TRMT44: variants seen among roughly 807,000 people sequenced by gnomAD.
TRMT44 encodes tRNA methyltransferase 44 homolog.
In TRMT44, 78 loss-of-function variants were observed where a neutral mutation model predicts 77.3. The observed-to-expected ratio is 1.01, with a 90% CI of 0.84 to 1.22. TRMT44 has a LOEUF of 1.22. Ranked by LOEUF, TRMT44 falls within the 50% of genes most tolerant of loss-of-function variation. TRMT44 has a pLI of 0.00. For synonymous variants in TRMT44, 391 were observed against 383.3 expected, an observed-to-expected ratio of 1.02 and a Z score of -0.23; for missense variants, 1,090 against 964.4, an observed-to-expected ratio of 1.13 and a Z score of -1.73.
Position 8,467,839 on chromosome 4 carries a change from G to T in TRMT44, c.1495-75G>T. On this transcript the variant is annotated intron_variant, in intron 8 of 10. Transcript: ENST00000389737. ...TGAAAACTTGTGATTTGTACTCCAGGATGAGAGAATTCCATGGAGAACGTT... is the reference window on the plus strand; with the variant it reads ...TGAAAACTTGTGATTTGTACTCCAGTATGAGAGAATTCCATGGAGAACGTT... 2.1e-6 allele frequency: 3 copies of T among 1,445,956 alleles called. No individual in the cohort carries two copies. In the South Asian group the frequency reaches 4.1e-5, roughly 20 times the overall value. 89.6% of individuals were successfully genotyped at this position (1,445,956 alleles called of 1,614,324 possible).
At position 8,465,432 on chromosome 4, in the gene TRMT44, TG is replaced by T; in HGVS notation, c.1367del (p.Gly456GlufsTer77). On this transcript the variant is annotated frameshift_variant, in exon 8 of 11. Transcript: ENST00000389737. LOFTEE classifies it high-confidence loss of function. ...TCCCCTGCTGCTTCTTTGACTTCAT[TG>T]GAAGATACTCCCGGAGGCAGAGTAA... ...VLPCCFFDFI[G>X]RYSRRQSKKT... is the part of the protein sequence containing the mutation. The T allele has an allele frequency of 6.2e-7, 1 of 1,614,080 alleles. No homozygotes were observed. The highest frequency in any genetic ancestry group is 8.5e-7 in the Non-Finnish European group (1 of 1,180,002).
chr4:8,490,398 C>T (rs781588606), intron 2 of TRMT44, among the ~76,000 whole-genome samples: 2 of 151,942 alleles, frequency 1.3e-5, no homozygotes, highest in African/African-American at 2.4e-5. Flanking sequence ...CTGGTGGATT[C>T]GTGGTCTCGC....
At chr4:8,453,918 CA>C (rs1255666993) in intron 5 of TRMT44, among the ~76,000 whole-genome samples, 1 of 152,162 alleles carries the variant, frequency 6.6e-6, no homozygotes, top group Non-Finnish European at 1.5e-5. Context: ...ATGGTTGTTA[CA>C]ATGCCCTTTT....
the TRMT44 span, among the ~76,000 whole-genome samples, chr4:8,505,256 A>G: frequency 1.3e-5 from 2 of 152,200 alleles, no homozygotes; most frequent in Non-Finnish European, 2.9e-5. Flanking sequence ...TGCATCTTCC[A>G]TCTGCGAACA....
rs1485683748 is a variant in TRMT44, at chr4:8,464,194, A to T, written c.1310+103A>T. The T allele has an allele frequency of 6.2e-6, 5 of 803,210 alleles. No homozygotes were observed. The East Asian group carries it at 1.1e-4, about 17-fold the overall frequency. The allele number at this position is 803,210 out of a possible 1,614,324, so 49.8% of individuals were successfully genotyped here. ...CACTAGCTGCGTGCAGTTGTCAAGC[A>T]CTTGAAATGTGGGTAGTTCCAATTG... is the stretch of plus-strand genomic sequence containing the variant. On this transcript the variant is annotated intron_variant, in intron 7 of 10. Transcript: ENST00000389737.
chr4:8,470,764 C>A (rs539843724), intron 9 of TRMT44, among the ~76,000 whole-genome samples: 5 of 152,332 alleles, frequency 3.3e-5, no homozygotes, highest in Non-Finnish European at 5.9e-5. Flanking sequence ...AGCCACCCCC[C>A]TTCATGGGTC....
chr4:8,463,063 A>G (rs1726270424), intron 6 of TRMT44, among the ~76,000 whole-genome samples: 1 of 152,246 alleles, frequency 6.6e-6, no homozygotes, highest in Non-Finnish European at 1.5e-5. Context: ...CCATGTCTGT[A>G]AAACATTCTT....
At chr4:8,497,674 GC>G (rs1160610081), downstream of TRMT44, among the ~76,000 whole-genome samples, 2 of 152,188 alleles carry the variant, frequency 1.3e-5, no homozygotes, top group African/African-American at 2.4e-5. Context: ...AAAAAACCCT[GC>G]TCTGTCTTTG....
At chr4:8,497,090 T>C (rs1006060287), downstream of TRMT44, among the ~76,000 whole-genome samples, 1 of 151,420 alleles carries the variant, frequency 6.6e-6, no homozygotes, top group Admixed American at 6.6e-5. Flanking sequence ...TATAAGATAA[T>C]GCTGTCTGAA....
At position 8,472,341 on chromosome 4, in the gene TRMT44, G is replaced by A. The variant is rs375325836; in HGVS notation, c.2044+1141G>A. Among the ~76,000 whole-genome samples, 5 of 152,298 alleles carry A rather than the reference G, an allele frequency of 3.3e-5. No individual in the cohort carries two copies. In the South Asian group the frequency reaches 6.2e-4, roughly 19 times the overall value. On this transcript the variant is annotated intron_variant, in intron 10 of 10. Transcript: ENST00000389737. ...GGAGGAGTAAGAGTGGGAGCTGGTC[G>A]GGTTACAGCCGCCATGACCAGGAAA...
At position 8,475,773 on chromosome 4, in the gene TRMT44, T is replaced by C; in HGVS notation, c.2046T>C (p.Val682=). 6.2e-7 allele frequency: 1 copy of C among 1,613,994 alleles called. No homozygotes were observed. Among genetic ancestry groups the C allele is most frequent in the Non-Finnish European group, 8.5e-7 (1 of 1,179,990 alleles). Residue 682 remains valine, a splice_region_variant and synonymous_variant, in exon 11 of 11, where the codon GTT becomes GTC. Coordinates refer to ENST00000389737, the MANE Select transcript of TRMT44 (RefSeq NM_152544.3). ...TGTCTTCTCTGTTCCAAACCACAGTTGTGAATGGGAGAGTTCACATCCGCG... is the reference window on the plus strand; with the variant it reads ...TGTCTTCTCTGTTCCAAACCACAGTCGTGAATGGGAGAGTTCACATCCGCG... The part of the protein sequence containing the change: ...LLRNSHQVFQ[V]VNGRVHIRDW...
intron 8 of TRMT44, 143 bp downstream of exon 8, chr4:8,465,704 C>T: frequency 4.1e-6 from 3 of 739,112 alleles, no homozygotes; most frequent in Non-Finnish European, 6.4e-6. Context: ...GCCTCTGTCA[C>T]TGATGAGGCC....
chr4:8,474,146 C>T (rs997299206), intron 10 of TRMT44, among the ~76,000 whole-genome samples: 2 of 151,970 alleles, frequency 1.3e-5, no homozygotes, highest in Non-Finnish European at 2.9e-5. Context: ...TGATCCCCCA[C>T]CCCCCATTCT....
rs1192851310 is a variant in TRMT44, at chr4:8,476,493, A to G, written c.*492A>G. On this transcript the variant is annotated 3_prime_UTR_variant, in exon 11 of 11. Coordinates refer to ENST00000389737, the MANE Select transcript of TRMT44 (RefSeq NM_152544.3). ...GATTGGTATTTTTAAAAAAGGTGTC[A>G]GGCTTGCTATGTTGAGGTTGTTTTT... is the stretch of plus-strand genomic sequence containing the variant. 1 of 161,836 alleles carries G rather than the reference A, an allele frequency of 6.2e-6. No individual in the cohort carries two copies. Among genetic ancestry groups the G allele is most frequent in the Non-Finnish European group, 1.4e-5 (1 of 73,310 alleles). 10.0% of individuals were successfully genotyped at this position (161,836 alleles called of 1,614,324 possible).
chr4:8,501,712 T>A, the TRMT44 span, among the ~76,000 whole-genome samples: 1 of 152,186 alleles, frequency 6.6e-6, no homozygotes, highest in African/African-American at 2.4e-5. The surrounding 1 kb of genome is among the most constrained non-coding windows in gnomAD (Gnocchi z 4.4). Context: ...CTTCTTCCCT[T>A]CTTTCTTCTT....
At position 8,441,980 on chromosome 4, in the gene TRMT44, C is replaced by T. The variant is rs1560216200; in HGVS notation, c.619+539C>T. On this transcript the variant is annotated intron_variant, in intron 1 of 10. Coordinates refer to ENST00000389737, the MANE Select transcript of TRMT44 (RefSeq NM_152544.3). Reference sequence around the variant, plus strand: ...TCATACATGTCATCTATAGCAGTGGCGGTTTAAATGAATCTCCTTTGTGCT... The same window carrying T: ...TCATACATGTCATCTATAGCAGTGGTGGTTTAAATGAATCTCCTTTGTGCT... Among the ~76,000 whole-genome samples, 5 of 152,300 alleles carry T rather than the reference C, an allele frequency of 3.3e-5. No homozygotes were observed. The Middle Eastern group carries it at 0.01, about 311-fold the overall frequency.
intron 10 of TRMT44, chr4:8,473,547 C>T (rs1727169075): frequency 6.6e-6 from 1 of 152,438 alleles, no homozygotes; most frequent in South Asian, 2.1e-4. Context: ...ACCCGTTCCT[C>T]AGAGCAACTT....
At chr4:8,462,550 C>G (rs922287458) in intron 6 of TRMT44, among the ~76,000 whole-genome samples, 1 of 150,938 alleles carries the variant, frequency 6.6e-6, no homozygotes, top group Non-Finnish European at 1.5e-5. Flanking sequence ...ACTAAAAATA[C>G]AAAAATTAGC....
Position 8,462,365 on chromosome 4 carries a change from C to T in TRMT44, c.1204-1620C>T, listed in dbSNP as rs562158342. Among the ~76,000 whole-genome samples the T allele has an allele frequency of 3.4e-4, 51 of 151,682 alleles. 2 individuals are homozygous for T. Among genetic ancestry groups the T allele is most frequent in the African/African-American group, 2.4e-5 (1 of 41,284 alleles). On this transcript the variant is annotated intron_variant, in intron 6 of 10. Transcript: ENST00000389737. ...GGCTGAGGTTGCAGTGAGCCGAGAT[C>T]GCACCACTGCACGCCAGCCTAGGCA... is the stretch of plus-strand genomic sequence containing the variant.
Sources: allele counts gnomAD v4.1 joint callset (sites outside exome capture counted in the v4.1 genomes callset), GRCh38; gene constraint gnomAD v4.1.1; non-coding constraint Gnocchi (gnomAD v3.1); transcripts MANE v1.5; gene names NCBI Gene and HGNC (gene_info 2026-07-23, HGNC 2026-07-21).